PACC1: variants seen among roughly 807,000 people sequenced by gnomAD.
The protein encoded by PACC1 is proton activated chloride channel 1.
Under a neutral mutation model 39.7 loss-of-function variants are expected in PACC1, and 34 were observed. The observed-to-expected ratio is 0.86, with a 90% CI of 0.65 to 1.14. PACC1 has a LOEUF of 1.14. Among genes scored for constraint, PACC1 ranks in the 50% most tolerant of loss-of-function variants. PACC1 has a pLI of 0.00. For synonymous variants in PACC1, 127 were observed against 160.6 expected (o/e 0.79, Z 1.58); for missense variants, 379 against 436.4 (o/e 0.87, Z 1.17).
intron 1 of PACC1, 80 bp from the exon 2 acceptor site, chr1:212,410,601 G>T: frequency 1.6e-6 from 2 of 1,285,206 alleles, no homozygotes; most frequent in Non-Finnish European, 1.1e-6. Flanking sequence ...GAAAGCAGAA[G>T]CTGCTTGTCA....
chr1:212,377,714 G>A lies in PACC1; in HGVS notation c.639-8C>T. 1.9e-6 allele frequency: 3 copies of A among 1,613,580 alleles called. No homozygotes were observed. Among genetic ancestry groups the A allele is most frequent in the Non-Finnish European group, 8.5e-7 (1 of 1,179,738 alleles). On this transcript the variant is annotated splice_polypyrimidine_tract_variant and splice_region_variant and intron_variant, in intron 5 of 7. Coordinates refer to ENST00000261455, the MANE Select transcript of PACC1 (RefSeq NM_018252.3). ...AAGCCTACCCTGTTTGGGCTTGGAG[G>A]AAGGAAGGAGAAGGAAGATCCAGGT...
intron 2 of PACC1, among the ~76,000 whole-genome samples, chr1:212,401,579 C>T (rs940659636): frequency 9.5e-5 from 13 of 136,430 alleles, no homozygotes; most frequent in African/African-American, 2.7e-4. Flanking sequence ...TGAGCCGAGA[C>T]GGCGCCACTG....
At chr1:212,377,975 G>A (rs912891656) in intron 5 of PACC1, among the ~76,000 whole-genome samples, 18 of 152,192 alleles carry the variant, frequency 1.2e-4, no homozygotes, top group Admixed American at 2.0e-4. Context: ...CCCAGTGGGA[G>A]AAATCTTCCT....
chr1:212,366,045 A>G (rs1166753302), intron 7 of PACC1, among the ~76,000 whole-genome samples: 2 of 151,980 alleles, frequency 1.3e-5, no homozygotes, highest in Non-Finnish European at 2.9e-5. Flanking sequence ...TTCCCCATCT[A>G]CGATGCTTTC....
At position 212,409,867 on chromosome 1, in the gene PACC1, T is replaced by C. The variant is rs75882037; in HGVS notation, c.133+558A>G. Among the ~76,000 whole-genome samples the C allele has an allele frequency of 6.0e-3, 907 of 152,282 alleles. 5 individuals carry two copies. The highest frequency in any genetic ancestry group is 0.021 in the African/African-American group (870 of 41,556). On this transcript the variant is annotated intron_variant, in intron 2 of 7. Transcript: ENST00000261455. Reference sequence around the variant, plus strand: ...AAAGGGGCCTGCAACCAACATTTCATGCCCAAGAGCTGGAGAGTGACCGCA... The same window carrying C: ...AAAGGGGCCTGCAACCAACATTTCACGCCCAAGAGCTGGAGAGTGACCGCA...
chr1:212,391,872 CGAGAA>C (rs1432992319), intron 2 of PACC1, among the ~76,000 whole-genome samples: 4 of 151,668 alleles, frequency 2.6e-5, no homozygotes, highest in Admixed American at 2.6e-4. Context: ...TGAAATGAAG[CGAGAA>C]GAGAAGTTTA....
rs1302902335 is a variant in PACC1 at position 212,379,954 on chromosome 1, A to C, written c.579T>G (p.Ser193Arg). Residue 193 changes from serine (S) to arginine (R), a missense_variant, in exon 5 of 8, where the codon AGT becomes AGG. By Grantham distance (110) the Ser-to-Arg change is moderately radical. Coordinates refer to ENST00000261455, the MANE Select transcript of PACC1 (RefSeq NM_018252.3). ...VFLQFRLNKS[S>R]EDFSAIDYLL... ...GGTAATCAATGGCGCTGAAGTCCTC[A>C]CTACTCTTGTTCAGGCGGAACTGGA... The C allele has an allele frequency of 6.2e-6, 10 of 1,614,228 alleles. No homozygotes were observed. Among genetic ancestry groups the C allele is most frequent in the Non-Finnish European group, 8.5e-6 (10 of 1,180,038 alleles).
intron 2 of PACC1, among the ~76,000 whole-genome samples, chr1:212,393,193 T>A (rs181996456): frequency 0.01 from 1,550 of 151,998 alleles, 35 homozygotes; most frequent in African/African-American, 0.035. Context: ...GAAGTAAAGC[T>A]CTCCTCAGCA....
In PACC1 at chr1:212,414,854, G is replaced by A. The variant is rs1426056540; in HGVS notation, c.-97C>T. On this transcript the variant is annotated 5_prime_UTR_variant, in exon 1 of 8. Coordinates refer to ENST00000261455, the MANE Select transcript of PACC1 (RefSeq NM_018252.3). Reference sequence around the variant, plus strand: ...CTGCACCTGGACCTACCGGCTCCGCGAGGCGAAACCGGTCCGGAGGGGCGT... The same window carrying A: ...CTGCACCTGGACCTACCGGCTCCGCAAGGCGAAACCGGTCCGGAGGGGCGT... The A allele has an allele frequency of 6.5e-6, 10 of 1,533,244 alleles. No individual in the cohort carries two copies. The highest frequency in any genetic ancestry group is 1.1e-5 in the South Asian group (1 of 87,486). The allele number at this position is 1,533,244 out of a possible 1,614,324, so 95.0% of individuals were successfully genotyped here. A position where few individuals can be genotyped will look rare whatever the true frequency, so the allele number is the denominator to read the frequency against.
chr1:212,390,445 A>G (rs1661271796), intron 2 of PACC1, among the ~76,000 whole-genome samples: 1 of 151,652 alleles, frequency 6.6e-6, no homozygotes, highest in Non-Finnish European at 1.5e-5. Context: ...AAAAAAAAAA[A>G]AAGACTATTG....
chr1:212,402,227 G>A (rs575345495), intron 2 of PACC1, among the ~76,000 whole-genome samples: 1 of 152,326 alleles, frequency 6.6e-6, no homozygotes, highest in African/African-American at 2.4e-5. Context: ...TTAACCTTTT[G>A]AGGAACTGTC....
Position 212,414,761 on chromosome 1 carries a change from A to T in PACC1, c.-4T>A, listed in dbSNP as rs747553721. 10 of 1,613,046 alleles carry T rather than the reference A, an allele frequency of 6.2e-6. No homozygotes were observed. The South Asian group carries it at 9.9e-5, about 16-fold the overall frequency. ...TGGAGCGCTCCTGCCGGATCATGGC[A>T]CTGACCAGAGCTTCGGCACACCTGA... On this transcript the variant is annotated 5_prime_UTR_variant, in exon 1 of 8. Transcript: ENST00000261455.
At chr1:212,389,605 A>C (rs1661233071) in intron 2 of PACC1, among the ~76,000 whole-genome samples, 1 of 152,218 alleles carries the variant, frequency 6.6e-6, no homozygotes, top group Non-Finnish European at 1.5e-5. Flanking sequence ...CACCAAGATG[A>C]CCCAGTGTTG....
intron 7 of PACC1, among the ~76,000 whole-genome samples, chr1:212,365,768 T>C (rs151239743): frequency 1.3e-3 from 192 of 152,312 alleles, no homozygotes; most frequent in African/African-American, 4.2e-3. Context: ...CTCCCTATAA[T>C]AAAGTGATTC....
chr1:212,412,615 G>C (rs1662177679), intron 1 of PACC1, among the ~76,000 whole-genome samples: 1 of 152,240 alleles, frequency 6.6e-6, no homozygotes, highest in African/African-American at 2.4e-5. Context: ...CACCCTTCCA[G>C]TGCCTCCCAC....
At chr1:212,398,363 C>A (rs1162664058) in intron 2 of PACC1, among the ~76,000 whole-genome samples, 1 of 152,206 alleles carries the variant, frequency 6.6e-6, no homozygotes, top group Non-Finnish European at 1.5e-5. Flanking sequence ...CTAACTCAAT[C>A]CATCAGAGAA....
chr1:212,370,258 T>A (rs568690459), intron 7 of PACC1, among the ~76,000 whole-genome samples: 87 of 152,216 alleles, frequency 5.7e-4, no homozygotes, highest in Non-Finnish European at 1.0e-3. Flanking sequence ...GGAGGTCAGG[T>A]GATTGAGACC....
chr1:212,365,981 C>T (rs1284381084), intron 7 of PACC1, among the ~76,000 whole-genome samples: 1 of 152,212 alleles, frequency 6.6e-6, no homozygotes, highest in Admixed American at 6.5e-5. Context: ...AGTCCAATGG[C>T]TGTCTTTCCT....
In PACC1 at chr1:212,377,700, G is replaced by C; in HGVS notation, c.645C>G (p.Asn215Lys). 2 of 1,613,934 alleles carry C rather than the reference G, an allele frequency of 1.2e-6. No individual in the cohort carries two copies. Among genetic ancestry groups the C allele is most frequent in the South Asian group, 1.1e-5 (1 of 91,032 alleles). Residue 215 changes from asparagine to lysine, a missense_variant, in exon 6 of 8, where the codon AAC becomes AAG. By Grantham distance (94) the Asn-to-Lys change is moderately conservative (BLOSUM62 0). Coordinates refer to ENST00000261455, the MANE Select transcript of PACC1 (RefSeq NM_018252.3). Reference sequence around the variant, plus strand: ...CACAGGCCTGCATGAAGCCTACCCTGTTTGGGCTTGGAGGAAGGAAGGAGA... The same window carrying C: ...CACAGGCCTGCATGAAGCCTACCCTCTTTGGGCTTGGAGGAAGGAAGGAGA... ...SSFQEFLQSP[N>K]RVGFMQACES...
Sources: gnomAD v4.1 joint callset for allele counts (sites outside exome capture counted in the v4.1 genomes callset) on GRCh38, gnomAD v4.1.1 for gene constraint, MANE v1.5 for transcripts, NCBI Gene and HGNC (gene_info 2026-07-23, HGNC 2026-07-21) for gene names.